The following CWC27 variants were observed in gnomAD, a reference collection of about 807,000 sequenced individuals.
The protein encoded by CWC27 is CWC27 spliceosome associated cyclophilin.
CWC27 carries 47 observed loss-of-function variants against 63.6 expected under a neutral mutation model. The observed-to-expected ratio is 0.74, with a 90% confidence interval of 0.58 to 0.94. The LOEUF (loss-of-function observed/expected upper bound fraction) is 0.94, where lower values mean the gene tolerates loss of function less well. Among genes scored for constraint, CWC27 ranks in the 40% least tolerant of loss-of-function variants. CWC27 has a pLI of 0.00. For synonymous variants in CWC27, 175 were observed against 179.8 expected (o/e 0.97, Z 0.22); for missense variants, 495 against 554.3 (o/e 0.89, Z 1.07).
At chr5:64,791,665 T>A (rs1744084145) in intron 7 of CWC27, among the ~76,000 whole-genome samples, 1 of 152,142 alleles carries the variant, frequency 6.6e-6, no homozygotes, top group Admixed American at 6.6e-5. Flanking sequence ...AATGCTTGTA[T>A]CTGACTCTCA....
chr5:64,783,797 T>C (rs748004100), intron 3 of CWC27, 39 bp from the exon 4 acceptor site: 1 of 1,512,104 alleles, frequency 6.6e-7, no homozygotes. Flanking sequence ...TGAAGGGTCT[T>C]ATAACTGAGG....
intron 10 of CWC27, among the ~76,000 whole-genome samples, chr5:64,879,940 A>C (rs1424908433): frequency 6.6e-6 from 1 of 151,908 alleles, no homozygotes; most frequent in East Asian, 1.9e-4. Context: ...ACTTTAAATT[A>C]TTTTATACAA....
At chr5:65,005,385 G>A (rs1749823538) in intron 13 of CWC27, among the ~76,000 whole-genome samples, 1 of 152,210 alleles carries the variant, frequency 6.6e-6, no homozygotes, top group Non-Finnish European at 1.5e-5. Context: ...ACCTGTGGCA[G>A]TAGCAGGGCA....
intron 11 of CWC27, among the ~76,000 whole-genome samples, chr5:64,914,289 A>G (rs1747846093): frequency 6.6e-6 from 1 of 152,174 alleles, no homozygotes; most frequent in African/African-American, 2.4e-5. Flanking sequence ...AAGTAATCGT[A>G]AAGGAAACAT....
In CWC27 at chr5:64,800,228, A is replaced by T; in HGVS notation, c.670-20A>T. ...ACTGTTTATTTCCCCCCTCATGATT[A>T]TATTGTACATTCTTTGCAGAGCATG... On this transcript the variant is annotated intron_variant, in intron 7 of 13. Transcript: ENST00000381070. The T allele has an allele frequency of 6.5e-7, 1 of 1,546,000 alleles. No homozygotes were observed. Among genetic ancestry groups the T allele is most frequent in the Non-Finnish European group, 8.9e-7 (1 of 1,122,308 alleles).
chr5:64,810,033 C>G (rs955397277), intron 10 of CWC27, among the ~76,000 whole-genome samples: 5 of 151,902 alleles, frequency 3.3e-5, no homozygotes, highest in African/African-American at 9.7e-5. Context: ...AGTTTCAGGC[C>G]TTATCCGTAA....
At chr5:64,846,291 T>G (rs1580668912) in intron 10 of CWC27, among the ~76,000 whole-genome samples, 1 of 152,328 alleles carries the variant, frequency 6.6e-6, no homozygotes, top group East Asian at 1.9e-4. Context: ...TCATCCCTAG[T>G]ACATGAGTCA....
intron 3 of CWC27, among the ~76,000 whole-genome samples, chr5:64,782,689 G>A (rs960183452): frequency 7.9e-5 from 12 of 152,138 alleles, no homozygotes; most frequent in African/African-American, 2.2e-4. Context: ...CTTAAAATAT[G>A]GGAGTTTTTG....
At chr5:64,808,212 T>G (rs755854150) in intron 10 of CWC27, 375 of 1,007,524 alleles carry the variant, frequency 3.7e-4, no homozygotes, top group Middle Eastern at 5.1e-4. Flanking sequence ...CCCAGGTGAT[T>G]TTTGTGTGCA....
chr5:64,838,458 T>C (rs1328802766), intron 10 of CWC27, among the ~76,000 whole-genome samples: 1 of 152,176 alleles, frequency 6.6e-6, no homozygotes, highest in Non-Finnish European at 1.5e-5. Flanking sequence ...GTCACTGCCC[T>C]TTTTAAGTCA....
chr5:64,788,156 G>C (rs1167564864), intron 6 of CWC27, among the ~76,000 whole-genome samples: 1 of 151,800 alleles, frequency 6.6e-6, no homozygotes, highest in East Asian at 1.9e-4. Context: ...TCTATCTCTG[G>C]ATGAAAGGTC....
intron 11 of CWC27, among the ~76,000 whole-genome samples, chr5:64,902,129 G>A (rs1302723062): frequency 6.6e-6 from 1 of 152,024 alleles, no homozygotes; most frequent in African/African-American, 2.4e-5. Flanking sequence ...AAAAATATAG[G>A]ATAATAAACA....
intron 11 of CWC27, among the ~76,000 whole-genome samples, chr5:64,925,829 C>T (rs1476480873): frequency 3.3e-5 from 5 of 152,172 alleles, no homozygotes; most frequent in Non-Finnish European, 7.4e-5. Flanking sequence ...TCTGATGGGT[C>T]CTTGACTATA....
chr5:64,969,461 T>G (rs1218080319), intron 11 of CWC27, among the ~76,000 whole-genome samples: 1 of 152,114 alleles, frequency 6.6e-6, no homozygotes, highest in Non-Finnish European at 1.5e-5. Flanking sequence ...AGATTCCAGG[T>G]GCATGGCAAA....
At chr5:64,934,415 C>A (rs1403698539) in intron 11 of CWC27, among the ~76,000 whole-genome samples, 3 of 152,196 alleles carry the variant, frequency 2.0e-5, no homozygotes, top group African/African-American at 7.2e-5. Flanking sequence ...ATCCATGTCC[C>A]TGCAAAGGAC....
intron 11 of CWC27, among the ~76,000 whole-genome samples, chr5:64,899,999 C>T (rs1470263922): frequency 6.6e-6 from 1 of 152,072 alleles, no homozygotes; most frequent in Non-Finnish European, 1.5e-5. Flanking sequence ...TAGTTTGTTC[C>T]TTTTATTGCT....
rs868208280 is a variant in CWC27, at chr5:64,919,138, C to A, written c.1042+33592C>A. ...ATTATAATCTCTAAAGATATAAATG[C>A]TTTCTTTGTGTTTCTATATGTATGT... On this transcript the variant is annotated intron_variant, in intron 11 of 13. Coordinates refer to ENST00000381070, the MANE Select transcript of CWC27 (RefSeq NM_005869.4). Among the ~76,000 whole-genome samples, 8 of 152,166 alleles carry A rather than the reference C, an allele frequency of 5.3e-5. No homozygotes were observed. In the South Asian group the frequency reaches 8.3e-4, roughly 16 times the overall value.
chr5:64,789,129 C>A, intron 7 of CWC27, 109 bp downstream of exon 7: 1 of 611,046 alleles, frequency 1.6e-6, no homozygotes. Flanking sequence ...TTACATGGGG[C>A]AGGCTCAGTA....
At chr5:64,921,961 A>C (rs1748007230) in intron 11 of CWC27, among the ~76,000 whole-genome samples, 1 of 152,092 alleles carries the variant, frequency 6.6e-6, no homozygotes, top group South Asian at 2.1e-4. Flanking sequence ...AACTTCTTTT[A>C]TTTTATGATG....
Sources: allele counts gnomAD v4.1 joint callset (sites outside exome capture counted in the v4.1 genomes callset), GRCh38; gene constraint gnomAD v4.1.1; transcripts MANE v1.5; gene names NCBI Gene and HGNC (gene_info 2026-07-23, HGNC 2026-07-21).